DST: variants seen among roughly 807,000 people sequenced by gnomAD.
DST encodes bullous pemphigoid antigen.
Under a neutral mutation model 875.2 loss-of-function variants are expected in DST, and 253 were observed. The observed-to-expected ratio is 0.29, with a 90% CI of 0.26 to 0.32. The LOEUF (loss-of-function observed/expected upper bound fraction) is 0.32. DST is among the 10% of genes least tolerant of loss of function. The pLI, the probability that DST is intolerant of heterozygous loss-of-function variation, is 1.00. For synonymous variants in DST, 3,124 were observed against 3,197.1 expected (o/e 0.98, Z 0.77); for missense variants, 8,287 against 9,111.6 (o/e 0.91, Z 3.68).
At chr6:56,948,976 A>G (rs1821016585) in intron 2 of DST, among the ~76,000 whole-genome samples, 1 of 152,176 alleles carries the variant, frequency 6.6e-6, no homozygotes, top group African/African-American at 2.4e-5. Flanking sequence ...ATCAGTGACA[A>G]AAGAGACTTG....
chr6:56,553,504 T>C lies in DST; in HGVS notation c.15288A>G (p.Leu5096=). The C allele has an allele frequency of 6.2e-7, 1 of 1,613,946 alleles. No homozygotes were observed. The highest frequency in any genetic ancestry group is 1.1e-5 in the South Asian group (1 of 91,050). ...TACTAAAGTCTTTATGATCTTTAAT[T>C]AATGACTCCAAGACATCGAGTTTGG... The part of the protein sequence containing the change: ...ISAKLDVLES[L]IKDHKDFSKT... Residue 5096 remains leucine, a synonymous_variant, in exon 61 of 104, where the codon TTA becomes TTG. Transcript: ENST00000680361.
chr6:56,871,791 A>AG (rs1411791988), intron 3 of DST: 3 of 336,384 alleles, frequency 8.9e-6, no homozygotes, highest in Admixed American at 8.9e-5. Context: ...AAAAAAAAAA[A>AG]AAAAGAAAAA....
chr6:56,870,431 CAAAAAAAAAAA>C (rs34119606), intron 3 of DST, among the ~76,000 whole-genome samples: 8 of 51,370 alleles, frequency 1.6e-4, no homozygotes, highest in Admixed American at 4.2e-4. Context: ...CTTGCAACTG[CAAAAAAAAAAA>C]AAAAAAAAAA....
intron 4 of DST, among the ~76,000 whole-genome samples, chr6:56,763,571 C>G (rs969710988): frequency 6.6e-6 from 1 of 151,892 alleles, no homozygotes; most frequent in Non-Finnish European, 1.5e-5. Flanking sequence ...ACTCAGGAGG[C>G]TGAGGAACAA....
In DST at chr6:56,546,919, T is replaced by C. The variant is rs542973670; in HGVS notation, c.16608+5265A>G. 4.7e-4 allele frequency among the ~76,000 whole-genome samples: 71 copies of C among 152,308 alleles called. 1 individual carries two copies. The South Asian group carries it at 0.015, about 32-fold the overall frequency. The stretch of plus-strand genomic sequence containing the variant: ...ATTGGATCACTCTAAAATGGTGATA[T>C]AGGTTTATCAAGGTAAAAGCAAAAC... On this transcript the variant is annotated intron_variant, in intron 61 of 103. Transcript: ENST00000680361.
chr6:56,526,511 C>T lies in DST; in HGVS notation c.17979G>A (p.Val5993=). The part of the protein sequence containing the change: ...NKALLDSLNE[V]SSALLELVPW... ...GTACCAGTTCCAGCAAAGCACTGCT[C>T]ACTTCATTAAGGGAGTCCAGTAAGG... is the stretch of plus-strand genomic sequence containing the variant. Residue 5993 remains valine, a synonymous_variant, in exon 69 of 104, where the codon GTG becomes GTA. Coordinates refer to ENST00000680361, the MANE Select transcript of DST (RefSeq NM_001374736.1). The T allele has an allele frequency of 6.2e-7, 1 of 1,613,820 alleles. No homozygotes were observed.
chr6:56,940,195 C>T (rs1430745767), intron 2 of DST, among the ~76,000 whole-genome samples: 1,092 of 38,598 alleles, frequency 0.028, 12 homozygotes, highest in African/African-American at 0.067. Context: ...CCCCCATACA[C>T]ACACACACAC....
At chr6:56,627,134 G>A (rs2098742047) in intron 34 of DST, 70 bp downstream of exon 34, 1 of 1,122,244 alleles carries the variant, frequency 8.9e-7, no homozygotes, top group African/African-American at 1.5e-5. Context: ...TGACTTGCAT[G>A]GCTTTAACAG....
intron 4 of DST, among the ~76,000 whole-genome samples, chr6:56,802,497 T>A (rs948433389): frequency 1.2e-4 from 19 of 152,172 alleles, no homozygotes; most frequent in Admixed American, 3.9e-4. Flanking sequence ...ATACACAAAC[T>A]ATGAACATCC....
intron 9 of DST, among the ~76,000 whole-genome samples, chr6:56,682,947 A>G (rs965192321): frequency 1.1e-4 from 16 of 151,958 alleles, no homozygotes; most frequent in Non-Finnish European, 2.1e-4. Flanking sequence ...AGTTAACCCA[A>G]CTCTTCTGAA....
intron 9 of DST, among the ~76,000 whole-genome samples, chr6:56,671,724 C>A (rs1235927530): frequency 6.6e-6 from 1 of 152,210 alleles, no homozygotes; most frequent in Non-Finnish European, 1.5e-5. Flanking sequence ...TTCCCTCAAT[C>A]AGTGCAAGAC....
At chr6:56,669,727 T>C (rs559740137) in intron 10 of DST, among the ~76,000 whole-genome samples, 39 of 152,242 alleles carry the variant, frequency 2.6e-4, no homozygotes, top group African/African-American at 9.1e-4. Context: ...AGTCTGCCAC[T>C]CGCTGGCTGT....
rs375571067 is a variant in DST at position 56,569,864 on chromosome 6, C to T, written c.13870G>A (p.Asp4624Asn). 2.5e-6 allele frequency: 4 copies of T among 1,610,756 alleles called. No homozygotes were observed. Among genetic ancestry groups the T allele is most frequent in the Non-Finnish European group, 2.5e-6 (3 of 1,178,974 alleles). ...GAEDLGKSLE[D>N]TKKLQEKWSL... ...AGATAACAATGATTCACCTTAGTGT[C>T]TTCCAAAGATTTTCCTAAATCCTCT... Residue 4624 changes from aspartate (D) to asparagine (N), a missense_variant, in exon 54 of 104, where the codon GAC becomes AAC. Asp to Asn is a conservative substitution (Grantham distance 23). This residue lies in a region of DST where 1,513 missense variants were observed against 1,677.8 expected (regional missense o/e 0.90). Transcript: ENST00000680361.
chr6:56,636,504 A>T (rs1587406643), intron 23 of DST, 53 bp downstream of exon 23: 2 of 1,453,180 alleles, frequency 1.4e-6, no homozygotes, highest in East Asian at 2.3e-5. Flanking sequence ...GATTCCTGCA[A>T]GTTAGCCAAA....
chr6:56,620,495 T>G lies in DST; in HGVS notation c.4929+4035A>C, dbSNP rs1307584148. 5 of 1,613,988 alleles carry G rather than the reference T, an allele frequency of 3.1e-6. No individual in the cohort carries two copies. The highest frequency in any genetic ancestry group is 1.7e-5 in the Admixed American group (1 of 60,002). On this transcript the variant is annotated intron_variant, in intron 36 of 103. Transcript: ENST00000680361. ...CCTTATCTTCTGCAGAGAGATATCT[T>G]CTACATTTCTCTGCTGCTTTCTCAA...
rs1026698152 is a variant in DST, at chr6:56,560,371, T to C, written c.14363A>G (p.Asp4788Gly). Residue 4788 changes from aspartate (D) to glycine (G), a missense_variant, in exon 58 of 104, where the codon GAC becomes GGC. Physicochemically the swap from Asp to Gly is moderately conservative, Grantham distance 94. Around this residue, in one of 10 missense-constraint regions of DST, gnomAD observed 1,513 missense variants for 1,677.8 expected, o/e 0.90. Transcript: ENST00000680361. ...QNVNKVQELK[D>G]KLTELLEENP... ...CTCCTCCAACAGCTCTGTCAATTTGTCTTTCAACTCCTGTACTTTGTTTAC... is the reference window on the plus strand; with the variant it reads ...CTCCTCCAACAGCTCTGTCAATTTGCCTTTCAACTCCTGTACTTTGTTTAC... 6.2e-7 allele frequency: 1 copy of C among 1,607,650 alleles called. No individual in the cohort carries two copies. The highest frequency in any genetic ancestry group is 1.3e-5 in the African/African-American group (1 of 74,862).
chr6:56,810,103 G>A (rs1234957999), intron 4 of DST, among the ~76,000 whole-genome samples: 1 of 152,144 alleles, frequency 6.6e-6, no homozygotes. Context: ...AAGGCAGAAG[G>A]ACTGCTTGAA....
chr6:56,951,331 CAG>C (rs1461956625), intron 2 of DST, among the ~76,000 whole-genome samples: 1 of 152,128 alleles, frequency 6.6e-6, no homozygotes, highest in Non-Finnish European at 1.5e-5. Context: ...GAAGGAGAAA[CAG>C]AAAGTACTAA....
intron 10 of DST, among the ~76,000 whole-genome samples, chr6:56,662,491 T>G (rs998910476): frequency 1.3e-5 from 2 of 152,210 alleles, no homozygotes; most frequent in Non-Finnish European, 2.9e-5. Flanking sequence ...TGGTAACAAG[T>G]GCCTGCTGTA....
Sources: gnomAD v4.1 joint callset for allele counts (sites outside exome capture counted in the v4.1 genomes callset) on GRCh38, gnomAD v4.1.1 for gene constraint, gnomAD v4.1.1 regional missense constraint, MANE v1.5 for transcripts, NCBI Gene and HGNC (gene_info 2026-07-23, HGNC 2026-07-21) for gene names.